Variants in FCSK observed in about 807,000 individuals in gnomAD.
The protein encoded by FCSK is L-fucose kinase.
A neutral mutation model predicts 122.5 loss-of-function variants in FCSK; 123 were observed. The ratio of observed to expected loss-of-function variants is 1.00; its 90% CI spans 0.87 to 1.17. FCSK has a LOEUF of 1.17. Among genes scored for constraint, FCSK ranks in the 50% most tolerant of loss-of-function variants. The pLI is 0.00. For missense variants in FCSK, 1,366 were observed against 1,450.4 expected (o/e 0.94, Z 0.95); for synonymous variants, 620 against 625.5 (o/e 0.99, Z 0.13).
intron 3 of FCSK, 22 bp downstream of exon 3, chr16:70,463,796 C>A (rs766462388): frequency 3.8e-6 from 6 of 1,588,726 alleles, no homozygotes. Flanking sequence ...CCAGGGCCAC[C>A]TCCCTGGTCT....
At chr16:70,472,845 C>A in intron 14 of FCSK, 138 bp from the exon 15 acceptor site, 2 of 1,107,868 alleles carry the variant, frequency 1.8e-6, no homozygotes, top group East Asian at 2.6e-5. Context: ...GGCAGCCTGG[C>A]CCCCGACCTG....
At chr16:70,475,079 T>C in intron 18 of FCSK, 68 bp downstream of exon 18, 3 of 1,408,316 alleles carry the variant, frequency 2.1e-6, no homozygotes, top group Non-Finnish European at 2.9e-6. Flanking sequence ...AGCTAGAGAC[T>C]GCAGGCCAGT....
intron 4 of FCSK, 47 bp downstream of exon 4, chr16:70,465,223 G>A (rs1201607664): frequency 1.3e-6 from 2 of 1,563,502 alleles, no homozygotes; most frequent in Admixed American, 1.7e-5. Flanking sequence ...CAGAATCCCA[G>A]TTCGTGGAGT....
In FCSK at chr16:70,474,695, G is replaced by C; in HGVS notation, c.2155+1G>C. 1 of 1,598,714 alleles carries C rather than the reference G, an allele frequency of 6.3e-7. No homozygotes were observed. On this transcript the variant is annotated splice_donor_variant, in intron 17 of 23. Transcript: ENST00000288078. LOFTEE classifies it high-confidence loss of function. ...TGCCCGGCCCGTGTGGATTTCTCTG[G>C]TGAGCCCCTTGTGGCAGGTGGGGTT... is the stretch of plus-strand genomic sequence containing the variant.
At position 70,456,891 on chromosome 16, in the gene FCSK, G is replaced by A. The variant is rs532647382; in HGVS notation, c.-23+2261G>A. Among the ~76,000 whole-genome samples, 3 of 152,074 alleles carry A rather than the reference G, an allele frequency of 2.0e-5. No homozygotes were observed. In the South Asian group the frequency reaches 6.2e-4, roughly 32 times the overall value. On this transcript the variant is annotated intron_variant, in intron 1 of 23. Coordinates refer to ENST00000288078, the MANE Select transcript of FCSK (RefSeq NM_145059.3). ...AAAAATTATCCAGGCATGGTGGTGC[G>A]CGCCTGTAGTCCCAGTTACTCGGGA...
intron 20 of FCSK, chr16:70,477,882 C>T (rs945929521): frequency 2.7e-5 from 5 of 185,190 alleles, no homozygotes; most frequent in African/African-American, 1.2e-4. Context: ...TAGATTTCAC[C>T]ATGTTGGCCA....
In FCSK at chr16:70,473,478, G is replaced by C; in HGVS notation, c.1777+125G>C. 1.7e-6 allele frequency: 2 copies of C among 1,202,686 alleles called. No individual in the cohort carries two copies. Among genetic ancestry groups the C allele is most frequent in the Non-Finnish European group, 2.2e-6 (2 of 896,492 alleles). The allele number at this position is 1,202,686 out of a possible 1,614,324, so 74.5% of individuals were successfully genotyped here. ...GCTCAAGCAGGGAAGGGGCATGCTG[G>C]AGTTTACTTTTAGGATTCTGGAAGG... On this transcript the variant is annotated intron_variant, in intron 15 of 23. Coordinates refer to ENST00000288078, the MANE Select transcript of FCSK (RefSeq NM_145059.3). The surrounding 1 kb of genome is among the most constrained non-coding windows in gnomAD (Gnocchi z 4.9).
intron 9 of FCSK, 81 bp downstream of exon 9, chr16:70,469,049 C>G: frequency 6.2e-7 from 1 of 1,605,072 alleles, no homozygotes. Context: ...CTTCCCCTCT[C>G]TGGGGCAGAG....
Position 70,473,242 on chromosome 16 carries a change from C to G in FCSK, c.1666C>G (p.His556Asp). 6.5e-7 allele frequency: 1 copy of G among 1,534,776 alleles called. No individual in the cohort carries two copies. Among genetic ancestry groups the G allele is most frequent in the South Asian group, 1.2e-5 (1 of 83,856 alleles). Residue 556 changes from histidine (H) to aspartate (D), a missense_variant, in exon 15 of 24, where the codon CAT (histidine) becomes GAT (aspartate). By Grantham distance (81) the His-to-Asp change is moderately conservative. Transcript: ENST00000288078. The surrounding 1 kb of genome is among the most constrained non-coding windows in gnomAD (Gnocchi z 4.9). The stretch of plus-strand genomic sequence containing the variant: ...GGACCTGTTCTTCCGCCAGGCCCTG[C>G]ATAAGGCGCGGCACGTGCTGGAGGC... ...RRDLFFRQAL[H>D]KARHVLEARQ...
intron 11 of FCSK, 106 bp from the exon 12 acceptor site, chr16:70,470,865 G>GAGC (rs1251055936): frequency 1.1e-6 from 1 of 949,714 alleles, no homozygotes; most frequent in Non-Finnish European, 1.6e-6. Context: ...CAGGGCAGGG[G>GAGC]AGCAGTAGGC....
chr16:70,473,315 A>T lies in FCSK; in HGVS notation c.1739A>T (p.Glu580Val). ...CCGCTGATCTGGGCTGCTGTCCGCG[A>T]GGGCTGCCCCGGGCCCCTGCTGGCC... ...LRPLIWAAVR[E>V]GCPGPLLATL... is the part of the protein sequence containing the mutation. Residue 580 changes from glutamate (E) to valine (V), a missense_variant, in exon 15 of 24, where the codon GAG becomes GTG. Transcript: ENST00000288078. The surrounding 1 kb of genome is among the most constrained non-coding windows in gnomAD (Gnocchi z 4.9). The T allele has an allele frequency of 6.6e-7, 1 of 1,518,888 alleles. No homozygotes were observed. Among genetic ancestry groups the T allele is most frequent in the African/African-American group, 1.4e-5 (1 of 72,530 alleles). 94.1% of individuals were successfully genotyped at this position (1,518,888 alleles called of 1,614,324 possible).
In FCSK at chr16:70,471,182, G is replaced by A. The variant is rs775828834; in HGVS notation, c.1171G>A (p.Gly391Ser). 1.2e-6 allele frequency: 2 copies of A among 1,601,414 alleles called. No homozygotes were observed. Among genetic ancestry groups the A allele is most frequent in the South Asian group, 1.1e-5 (1 of 90,484 alleles). The change falls in exon 13 of 24, where the codon GGC becomes AGC. Residue 391 changes from glycine (G) to serine (S), a missense_variant and splice_region_variant. Coordinates refer to ENST00000288078, the MANE Select transcript of FCSK (RefSeq NM_145059.3). Reference sequence around the variant, plus strand: ...GGATGCCTGCCCTGTCCCCCACCAGGGCCCCATTCACATAGGCGCTGGCTG... The same window carrying A: ...GGATGCCTGCCCTGTCCCCCACCAGAGCCCCATTCACATAGGCGCTGGCTG... ...GSVLQHCHLQ[G>S]PIHIGAGCLV... is the part of the protein sequence containing the mutation.
intron 3 of FCSK, 126 bp downstream of exon 3, chr16:70,463,900 T>A (rs1316039032): frequency 1.8e-6 from 2 of 1,094,582 alleles, no homozygotes; most frequent in Admixed American, 5.3e-5. Flanking sequence ...TTTTTGTTTC[T>A]GTAAATTGGG....
rs1208630441 is a variant in FCSK at position 70,463,610 on chromosome 16, C to T, written c.83-13C>T. The stretch of plus-strand genomic sequence containing the variant: ...AGCTGGGGGGCAGGTCCCAGTGTCT[C>T]TTCTGACCCTAGAACTGGAAGTGCG... On this transcript the variant is annotated splice_polypyrimidine_tract_variant and intron_variant, in intron 2 of 23. Coordinates refer to ENST00000288078, the MANE Select transcript of FCSK (RefSeq NM_145059.3). 1 of 1,613,194 alleles carries T rather than the reference C, an allele frequency of 6.2e-7. No homozygotes were observed. Among genetic ancestry groups the T allele is most frequent in the African/African-American group, 1.3e-5 (1 of 74,916 alleles).
intron 12 of FCSK, 22 bp from the exon 13 acceptor site, chr16:70,471,160 T>G (rs1240007930): frequency 6.3e-7 from 1 of 1,597,728 alleles, no homozygotes; most frequent in African/African-American, 1.3e-5. Flanking sequence ...CCACCCAGGA[T>G]GCCTGCCCTG....
At chr16:70,468,375 G>A (rs770086450) in intron 8 of FCSK, among the ~76,000 whole-genome samples, 2 of 152,224 alleles carry the variant, frequency 1.3e-5, no homozygotes, top group African/African-American at 2.4e-5. Flanking sequence ...AGCAGAGATC[G>A]TGCCACTGCA....
rs750269493 is a variant in FCSK, at chr16:70,475,355, C to T, written c.2383C>T (p.Leu795=). 49 of 1,610,162 alleles carry T rather than the reference C, an allele frequency of 3.0e-5. No individual in the cohort carries two copies. The highest frequency in any genetic ancestry group is 2.2e-4 in the South Asian group (20 of 91,082). The change falls in exon 19 of 24, where the codon CTG becomes TTG. Residue 795 remains leucine, a synonymous_variant. Coordinates refer to ENST00000288078, the MANE Select transcript of FCSK (RefSeq NM_145059.3). The part of the protein sequence containing the change: ...DYCQPHAPGA[L]LKAAFICAGI... The stretch of plus-strand genomic sequence containing the variant: ...TCATGCCTGTCCTTCTGCAGGGGCC[C>T]TGCTGAAGGCGGCCTTCATCTGTGC...
intron 20 of FCSK, among the ~76,000 whole-genome samples, chr16:70,476,728 A>C (rs913337512): frequency 1.3e-5 from 2 of 152,330 alleles, no homozygotes; most frequent in African/African-American, 2.4e-5. Flanking sequence ...CTCAAGCCTC[A>C]CATTTCACTG....
At chr16:70,465,457 G>A (rs956073083) in intron 4 of FCSK, among the ~76,000 whole-genome samples, 9 of 151,658 alleles carry the variant, frequency 5.9e-5, no homozygotes, top group Admixed American at 3.3e-4. Context: ...CCAGGAGATC[G>A]AGACCAGCCT....
Sources: gnomAD v4.1 joint callset for allele counts (sites outside exome capture counted in the v4.1 genomes callset) on GRCh38, gnomAD v4.1.1 for gene constraint, Gnocchi (gnomAD v3.1) non-coding constraint, MANE v1.5 for transcripts, NCBI Gene and HGNC (gene_info 2026-07-23, HGNC 2026-07-21) for gene names.